Variants in PALM2AKAP2 observed in about 807,000 individuals in gnomAD.
PALM2AKAP2 encodes the protein PALM2 and AKAP2 fusion, also known as PALM2-AKAP2 fusion protein.
PALM2AKAP2 carries 37 observed loss-of-function variants against 71.5 expected under a neutral mutation model. That is an observed-to-expected ratio of 0.52 (90% confidence interval 0.40 to 0.68). The LOEUF is 0.68. Ranked by LOEUF, PALM2AKAP2 falls within the 30% of genes least tolerant of loss-of-function variation. PALM2AKAP2 has a pLI of 0.00. For missense variants in PALM2AKAP2, 1,224 were observed against 1,191.8 expected, an observed-to-expected ratio of 1.03 and a Z score of -0.40; for synonymous variants, 468 against 478.8, an observed-to-expected ratio of 0.98 and a Z score of 0.29.
At chr9:109,771,193 G>A (rs1829256025) in intron 1 of PALM2AKAP2, among the ~76,000 whole-genome samples, 3 of 152,206 alleles carry the variant, frequency 2.0e-5, no homozygotes, top group African/African-American at 7.2e-5. Flanking sequence ...CAATTTGCAA[G>A]TCATGCTATG....
At chr9:109,897,612 G>A (rs17805989) in intron 3 of PALM2AKAP2, among the ~76,000 whole-genome samples, 7,010 of 152,118 alleles carry the variant, frequency 0.046, 354 homozygotes, top group East Asian at 0.27. Context: ...TGACAATGAC[G>A]ATAGCTGCTG....
At chr9:109,824,265 A>C (rs1337090278) in intron 1 of PALM2AKAP2, among the ~76,000 whole-genome samples, 1 of 152,166 alleles carries the variant, frequency 6.6e-6, no homozygotes, top group African/African-American at 2.4e-5. Flanking sequence ...TGGAAATGTA[A>C]ATGACATGCC....
chr9:109,905,271 GT>G, intron 3 of PALM2AKAP2, among the ~76,000 whole-genome samples: 1 of 152,316 alleles, frequency 6.6e-6, no homozygotes, highest in African/African-American at 2.4e-5. Context: ...GAAGCTCAGT[GT>G]TCTCTGCACT....
intron 1 of PALM2AKAP2, among the ~76,000 whole-genome samples, chr9:109,763,348 A>G (rs1338000210): frequency 6.6e-6 from 1 of 152,128 alleles, no homozygotes; most frequent in Non-Finnish European, 1.5e-5. Flanking sequence ...CACGGGCTAT[A>G]CTACCAGACT....
intron 1 of PALM2AKAP2, among the ~76,000 whole-genome samples, chr9:109,782,292 G>T (rs1198385271): frequency 6.6e-6 from 1 of 152,214 alleles, no homozygotes; most frequent in African/African-American, 2.4e-5. Context: ...TGCCTCTTCA[G>T]TTATTGAAGA....
At chr9:109,708,001 C>G (rs375057989) in intron 1 of PALM2AKAP2, among the ~76,000 whole-genome samples, 1 of 152,180 alleles carries the variant, frequency 6.6e-6, no homozygotes, top group South Asian at 2.1e-4. Context: ...GGCCCCTTCT[C>G]CATTTTCACT....
chr9:109,814,265 C>T (rs780090856), intron 1 of PALM2AKAP2, among the ~76,000 whole-genome samples: 67 of 152,262 alleles, frequency 4.4e-4, no homozygotes, highest in Non-Finnish European at 7.4e-4. Context: ...ACTTTCTTAT[C>T]GGTAGATACA....
chr9:109,780,239 C>T (rs1442912671), upstream of PALM2AKAP2: 12 of 1,095,102 alleles, frequency 1.1e-5, no homozygotes, highest in African/African-American at 5.0e-5. Context: ...CGGCGGCGAC[C>T]GGGAGATGCA....
intron 2 of PALM2AKAP2, among the ~76,000 whole-genome samples, chr9:109,873,881 C>A (rs183499695): frequency 6.6e-6 from 1 of 152,186 alleles, no homozygotes; most frequent in Admixed American, 6.5e-5. Flanking sequence ...GTGGTTCATG[C>A]CTGTGATCCC....
At chr9:109,927,844 A>C (rs1830992401) in intron 5 of PALM2AKAP2, among the ~76,000 whole-genome samples, 1 of 152,158 alleles carries the variant, frequency 6.6e-6, no homozygotes, top group African/African-American at 2.4e-5. Context: ...TACACCTATA[A>C]ATTGCATATA....
chr9:110,035,652 CAT>C (rs1396991990), intron 7 of PALM2AKAP2, among the ~76,000 whole-genome samples: 12 of 101,776 alleles, frequency 1.2e-4, no homozygotes, highest in African/African-American at 3.8e-4. Context: ...TTATATATAA[CAT>C]ATATAGGATA....
At chr9:109,735,512 T>C (rs1828616931) in intron 1 of PALM2AKAP2, among the ~76,000 whole-genome samples, 1 of 152,164 alleles carries the variant, frequency 6.6e-6, no homozygotes, top group African/African-American at 2.4e-5. Flanking sequence ...AACTTTAATC[T>C]TCAATGCTAT....
At chr9:109,801,050 T>C (rs1277031998) in intron 1 of PALM2AKAP2, among the ~76,000 whole-genome samples, 1 of 151,980 alleles carries the variant, frequency 6.6e-6, no homozygotes, top group Non-Finnish European at 1.5e-5. Flanking sequence ...TGAGTTGGGG[T>C]TGGGGGATGT....
chr9:110,169,477 T>C (rs1014434751), exon 4 of PALM2AKAP2: 4 of 152,152 alleles, frequency 2.6e-5, no homozygotes, highest in Non-Finnish European at 5.9e-5. Flanking sequence ...AAGGTGTTTA[T>C]AACTATTTTG....
At chr9:109,812,645 T>C (rs1325867611) in intron 1 of PALM2AKAP2, among the ~76,000 whole-genome samples, 2 of 152,216 alleles carry the variant, frequency 1.3e-5, no homozygotes, top group Non-Finnish European at 2.9e-5. Context: ...CCTCACCTCA[T>C]TGTCTAGACT....
At chr9:109,826,032 C>A (rs1828140194) in intron 1 of PALM2AKAP2, among the ~76,000 whole-genome samples, 1 of 152,042 alleles carries the variant, frequency 6.6e-6, no homozygotes, top group Non-Finnish European at 1.5e-5. Flanking sequence ...TACTATGCAG[C>A]CATAAAAAAG....
intron 3 of PALM2AKAP2, among the ~76,000 whole-genome samples, chr9:109,886,910 G>C (rs962165418): frequency 1.3e-5 from 2 of 152,180 alleles, no homozygotes; most frequent in African/African-American, 2.4e-5. Context: ...ACAGCTGTCT[G>C]TTCTAAAATA....
At chr9:109,889,742 G>A (rs1463829252) in intron 3 of PALM2AKAP2, among the ~76,000 whole-genome samples, 1 of 152,176 alleles carries the variant, frequency 6.6e-6, no homozygotes, top group Non-Finnish European at 1.5e-5. Flanking sequence ...GCCTCGCTCA[G>A]GTTTTGTAGG....
intron 6 of PALM2AKAP2, among the ~76,000 whole-genome samples, chr9:109,942,042 C>T (rs1831382385): frequency 6.6e-6 from 1 of 152,218 alleles, no homozygotes; most frequent in East Asian, 1.9e-4. Context: ...CTTCAAATTC[C>T]AGTGTCCTAT....
Sources: allele counts gnomAD v4.1 joint callset (sites outside exome capture counted in the v4.1 genomes callset), GRCh38; gene constraint gnomAD v4.1.1; transcripts MANE v1.5; gene names NCBI Gene and HGNC (gene_info 2026-07-23, HGNC 2026-07-21).